The following SFRP1 variants were observed in gnomAD, a reference collection of about 807,000 sequenced individuals.
SFRP1 encodes secreted frizzled-related protein 1.
In SFRP1, 9 loss-of-function variants were observed where a neutral mutation model predicts 25.9. That is an observed-to-expected ratio of 0.35 (90% CI 0.21 to 0.61). SFRP1 has a LOEUF of 0.61. Ranked by LOEUF, SFRP1 falls within the 20% of genes least tolerant of loss-of-function variation. SFRP1 has a pLI of 0.78. For synonymous variants in SFRP1, 178 were observed against 174.0 expected (o/e 1.02, Z -0.18); for missense variants, 346 against 418.2 (o/e 0.83, Z 1.51).
At chr8:41,269,799 T>G (rs910526598) in intron 2 of SFRP1, among the ~76,000 whole-genome samples, 3 of 151,978 alleles carry the variant, frequency 2.0e-5, no homozygotes, top group African/African-American at 7.3e-5. Flanking sequence ...TGGCATGGGG[T>G]TGCATTAGGA....
chr8:41,308,647 C>A lies in SFRP1; in HGVS notation c.513G>T (p.Pro171=). The stretch of plus-strand genomic sequence containing the variant: ...GCTTGGAGGCTTCGGTGGCATTGGG[C>A]GGCGTCATGGCGATGCAGACGTCCC... ...PEGDVCIAMT[P]PNATEASKPQ... The change falls in exon 1 of 3, where the codon CCG becomes CCT. Residue 171 remains proline (P), a synonymous_variant. Coordinates refer to ENST00000220772, the MANE Select transcript of SFRP1 (RefSeq NM_003012.5). The A allele has an allele frequency of 3.7e-6, 6 of 1,606,620 alleles. No individual in the cohort carries two copies. The highest frequency in any genetic ancestry group is 5.1e-6 in the Non-Finnish European group (6 of 1,175,414).
chr8:41,309,222 C>T lies in SFRP1; in HGVS notation c.-63G>A, dbSNP rs1585525691. On this transcript the variant is annotated 5_prime_UTR_variant, in exon 1 of 3. Coordinates refer to ENST00000220772, the MANE Select transcript of SFRP1 (RefSeq NM_003012.5). ...GCCTCCGCCGCCTCCCCGCGCGCGT[C>T]CTGCCGCAAACTTCCAGGGACCTCC... 4.7e-6 allele frequency: 6 copies of T among 1,264,520 alleles called. No individual in the cohort carries two copies. In the East Asian group the frequency reaches 2.0e-4, roughly 41 times the overall value. The allele number at this position is 1,264,520 out of a possible 1,614,324, so 78.3% of individuals were successfully genotyped here. A position where few individuals can be genotyped will look rare whatever the true frequency, so the allele number is the denominator to read the frequency against.
intron 2 of SFRP1, among the ~76,000 whole-genome samples, chr8:41,302,468 C>G (rs1235462744): frequency 6.6e-6 from 1 of 152,234 alleles, no homozygotes; most frequent in African/African-American, 2.4e-5. Flanking sequence ...CGAATGGACT[C>G]ACATCACCTA....
chr8:41,276,718 C>CAAACA (rs1336384939), intron 2 of SFRP1, among the ~76,000 whole-genome samples: 2 of 152,134 alleles, frequency 1.3e-5, no homozygotes, highest in Admixed American at 6.5e-5. Flanking sequence ...CAAAGCAAAA[C>CAAACA]AAACAAAACA....
chr8:41,309,171 G>A lies in SFRP1; in HGVS notation c.-12C>T. On this transcript the variant is annotated 5_prime_UTR_variant, in exon 1 of 3. Transcript: ENST00000220772. The stretch of plus-strand genomic sequence containing the variant: ...CGCCCGATGCCCATGCCGGCTCTGC[G>A]CCCTGTTCTCCGCGACGTCGGGGCT... 1.5e-6 allele frequency: 2 copies of A among 1,319,938 alleles called. No homozygotes were observed. Among genetic ancestry groups the A allele is most frequent in the East Asian group, 3.1e-5 (1 of 32,126 alleles). 81.8% of individuals were successfully genotyped at this position (1,319,938 alleles called of 1,614,324 possible).
chr8:41,265,976 G>A (rs927523028), intron 2 of SFRP1, among the ~76,000 whole-genome samples: 2 of 152,088 alleles, frequency 1.3e-5, no homozygotes, highest in African/African-American at 4.8e-5. Flanking sequence ...GACCAGCCTG[G>A]CCAGCATGGT....
At chr8:41,305,581 G>A (rs1803985517) in intron 1 of SFRP1, among the ~76,000 whole-genome samples, 1 of 152,212 alleles carries the variant, frequency 6.6e-6, no homozygotes, top group South Asian at 2.1e-4. Context: ...GGGCTCTACA[G>A]GCTGCCTCTG....
intron 2 of SFRP1, among the ~76,000 whole-genome samples, chr8:41,286,894 G>A (rs6651363): frequency 0.28 from 42,861 of 152,140 alleles, 6,754 homozygotes; most frequent in Middle Eastern, 0.44. Context: ...AGAAGCCAGT[G>A]GCCAGAAAGC....
At chr8:41,298,907 C>T (rs966745443) in intron 2 of SFRP1, among the ~76,000 whole-genome samples, 1 of 152,270 alleles carries the variant, frequency 6.6e-6, no homozygotes, top group East Asian at 1.9e-4. Flanking sequence ...TCCCTTTTCC[C>T]TCTTTCTCTA....
At chr8:41,297,249 G>A (rs1404277639) in intron 2 of SFRP1, among the ~76,000 whole-genome samples, 1 of 151,986 alleles carries the variant, frequency 6.6e-6, no homozygotes, top group Admixed American at 6.6e-5. Flanking sequence ...TCGCCATTTT[G>A]GCCAGGCTGG....
intron 2 of SFRP1, among the ~76,000 whole-genome samples, chr8:41,300,241 C>G (rs1443983822): frequency 1.3e-5 from 2 of 152,214 alleles, no homozygotes; most frequent in African/African-American, 4.8e-5. Flanking sequence ...ACTGTGAAAG[C>G]TGATGTTCTT....
At chr8:41,285,315 C>T (rs1453130310) in intron 2 of SFRP1, among the ~76,000 whole-genome samples, 3 of 152,244 alleles carry the variant, frequency 2.0e-5, no homozygotes, top group East Asian at 3.9e-4. Flanking sequence ...TGCTGTCCTC[C>T]GCCCCTCGTT....
At chr8:41,303,023 G>C (rs1358979208) in intron 2 of SFRP1, among the ~76,000 whole-genome samples, 3 of 140,946 alleles carry the variant, frequency 2.1e-5, no homozygotes, top group Non-Finnish European at 4.5e-5. Context: ...ATCCTGGACA[G>C]AGTCATGCTG....
At chr8:41,292,558 A>T (rs976809812) in intron 2 of SFRP1, among the ~76,000 whole-genome samples, 2 of 152,142 alleles carry the variant, frequency 1.3e-5, no homozygotes, top group African/African-American at 4.8e-5. Flanking sequence ...TTTCTTTATA[A>T]AGTATTCAGT....
chr8:41,284,466 G>C (rs1803674159), intron 2 of SFRP1, among the ~76,000 whole-genome samples: 1 of 151,758 alleles, frequency 6.6e-6, no homozygotes, highest in Admixed American at 6.6e-5. Flanking sequence ...CAGTGCTCTG[G>C]TGGCTCTGTG....
chr8:41,266,176 A>T (rs1420407502), intron 2 of SFRP1, among the ~76,000 whole-genome samples: 1 of 151,958 alleles, frequency 6.6e-6, no homozygotes, highest in Non-Finnish European at 1.5e-5. Flanking sequence ...AAAAAAAAAA[A>T]ATCAAGGTCT....
chr8:41,292,867 A>G (rs1386451352), intron 2 of SFRP1, among the ~76,000 whole-genome samples: 2 of 152,236 alleles, frequency 1.3e-5, no homozygotes, highest in African/African-American at 2.4e-5. Context: ...GTGTGTTAAG[A>G]GTAAAGACCC....
chr8:41,295,787 A>G (rs1803837221), intron 2 of SFRP1, among the ~76,000 whole-genome samples: 1 of 151,282 alleles, frequency 6.6e-6, no homozygotes. Flanking sequence ...AGCAGAATCC[A>G]GAAGATGACT....
intron 1 of SFRP1, among the ~76,000 whole-genome samples, chr8:41,307,288 G>A (rs1804010004): frequency 6.6e-6 from 1 of 152,216 alleles, no homozygotes. Flanking sequence ...GCCACTGCGG[G>A]CAATCAGTGC....
Sources: allele counts gnomAD v4.1 joint callset (sites outside exome capture counted in the v4.1 genomes callset), GRCh38; gene constraint gnomAD v4.1.1; transcripts MANE v1.5; gene names NCBI Gene and HGNC (gene_info 2026-07-23, HGNC 2026-07-21).